Variants in FRAS1 observed in about 807,000 individuals in gnomAD.
The protein encoded by FRAS1 is extracellular matrix organizing protein FRAS1.
In FRAS1, 290 loss-of-function variants were observed where a neutral mutation model predicts 435.2. The observed-to-expected ratio is 0.67, with a 90% CI of 0.61 to 0.73. The LOEUF is 0.73. FRAS1 is among the 30% of genes least tolerant of loss of function. The pLI, the probability that FRAS1 is intolerant of heterozygous loss-of-function variation, is 0.00. For missense variants in FRAS1, 4,860 were observed against 5,001.5 expected (o/e 0.97, Z 0.85); for synonymous variants, 1,800 against 1,851.0 (o/e 0.97, Z 0.71).
At chr4:78,527,919 C>T (rs943510138) in intron 70 of FRAS1, among the ~76,000 whole-genome samples, 1 of 151,956 alleles carries the variant, frequency 6.6e-6, no homozygotes, top group Non-Finnish European at 1.5e-5. Flanking sequence ...GATATTTGAG[C>T]GGGGCAAGGG....
chr4:78,482,340 T>TTAA, intron 57 of FRAS1, 48 bp from the exon 58 acceptor site: 1 of 1,609,880 alleles, frequency 6.2e-7, no homozygotes, highest in Non-Finnish European at 8.5e-7. Context: ...GGTAAATGGG[T>TTAA]GTTAGATGGT....
chr4:78,070,347 G>A (rs1412090422), intron 2 of FRAS1: 1 of 151,998 alleles, frequency 6.6e-6, no homozygotes, highest in Non-Finnish European at 1.5e-5. Flanking sequence ...GTGACATCCT[G>A]GGTGATTAAG....
Position 78,453,221 on chromosome 4 carries a change from G to A in FRAS1, c.6763+867G>A, listed in dbSNP as rs1352955474. Among the ~76,000 whole-genome samples, 4 of 152,178 alleles carry A rather than the reference G, an allele frequency of 2.6e-5. No individual in the cohort carries two copies. In the East Asian group the frequency reaches 7.7e-4, roughly 29 times the overall value. On this transcript the variant is annotated intron_variant, in intron 47 of 73. Transcript: ENST00000512123. ...CAAGGAAGAAAAGTGAAACTCATCAGGTAGTGTCTAACAGGATGAACTGAA... is the reference window on the plus strand; with the variant it reads ...CAAGGAAGAAAAGTGAAACTCATCAAGTAGTGTCTAACAGGATGAACTGAA...
At chr4:78,163,185 C>T (rs181076758) in intron 2 of FRAS1, among the ~76,000 whole-genome samples, 3 of 152,286 alleles carry the variant, frequency 2.0e-5, no homozygotes, top group East Asian at 3.9e-4. Flanking sequence ...GGAACATTGC[C>T]AAACTCTTAT....
intron 15 of FRAS1, among the ~76,000 whole-genome samples, chr4:78,314,345 C>T (rs1729151427): frequency 1.3e-5 from 2 of 152,158 alleles, no homozygotes; most frequent in South Asian, 4.1e-4. Context: ...CTGTGAGCGA[C>T]ATCACTTGTC....
intron 2 of FRAS1, among the ~76,000 whole-genome samples, chr4:78,211,793 G>A (rs1723516837): frequency 6.6e-6 from 1 of 152,138 alleles, no homozygotes; most frequent in African/African-American, 2.4e-5. Flanking sequence ...ACCATTATAT[G>A]TTTCTCAATT....
In FRAS1 at chr4:78,113,215, T is replaced by G. The variant is rs147834850; in HGVS notation, c.108+47199T>G. 6.0e-3 allele frequency among the ~76,000 whole-genome samples: 907 copies of G among 152,340 alleles called. 11 individuals are homozygous for G. The highest frequency in any genetic ancestry group is 0.021 in the African/African-American group (872 of 41,572). ...GTATATATATTCCACATTTTCTTAA[T>G]CCAGTCTATCATTGTTGGACATTTG... On this transcript the variant is annotated intron_variant, in intron 2 of 73. Coordinates refer to ENST00000512123, the MANE Select transcript of FRAS1 (RefSeq NM_025074.7).
intron 2 of FRAS1, among the ~76,000 whole-genome samples, chr4:78,132,381 A>C (rs1440066829): frequency 6.6e-6 from 1 of 152,248 alleles, no homozygotes; most frequent in Non-Finnish European, 1.5e-5. Context: ...CCAAAAAACT[A>C]TCTCTAGCAA....
intron 10 of FRAS1, among the ~76,000 whole-genome samples, chr4:78,279,292 C>T (rs1727209099): frequency 6.6e-6 from 1 of 152,178 alleles, no homozygotes; most frequent in Admixed American, 6.5e-5. Context: ...AAGGCATTGG[C>T]CATGAGGTCT....
chr4:78,519,906 C>T (rs1269438440), intron 67 of FRAS1, among the ~76,000 whole-genome samples: 2 of 152,148 alleles, frequency 1.3e-5, no homozygotes, highest in African/African-American at 4.8e-5. Context: ...ATATTTATGT[C>T]AAGTAGCCCA....
chr4:78,076,155 GGT>G (rs2109867372), intron 2 of FRAS1, among the ~76,000 whole-genome samples: 1 of 152,176 alleles, frequency 6.6e-6, no homozygotes, highest in African/African-American at 2.4e-5. Context: ...CTTTGGAGGG[GGT>G]GTGGGTGGCT....
intron 15 of FRAS1, among the ~76,000 whole-genome samples, chr4:78,311,085 G>A (rs1363014905): frequency 7.0e-6 from 1 of 143,208 alleles, no homozygotes; most frequent in Non-Finnish European, 1.6e-5. Flanking sequence ...CCATTATGAA[G>A]GGCTTTTCGG....
chr4:78,143,814 G>A (rs1354407334), intron 2 of FRAS1, among the ~76,000 whole-genome samples: 1 of 150,872 alleles, frequency 6.6e-6, no homozygotes, highest in African/African-American at 2.4e-5. Context: ...TGAGGTGGGA[G>A]GATTGCTTGA....
At chr4:78,261,891 T>C (rs75685300) in intron 6 of FRAS1, among the ~76,000 whole-genome samples, 1,526 of 152,288 alleles carry the variant, frequency 0.01, 23 homozygotes, top group African/African-American at 0.035. Flanking sequence ...GCTATGAACT[T>C]AGGATGAGTA....
rs1315195094 is a variant in FRAS1 at position 78,333,262 on chromosome 4, T to C, written c.2138-10T>C. The C allele has an allele frequency of 6.3e-7, 1 of 1,599,920 alleles. No homozygotes were observed. Among genetic ancestry groups the C allele is most frequent in the African/African-American group, 1.3e-5 (1 of 74,456 alleles). On this transcript the variant is annotated splice_polypyrimidine_tract_variant and intron_variant, in intron 18 of 73. Transcript: ENST00000512123. ...TCCTGATTGTCTCCTTTGCTTTATC[T>C]TTCCCCCAGCTTGCCACCAGTCCTG...
At chr4:78,164,606 A>G (rs1408185550) in intron 2 of FRAS1, among the ~76,000 whole-genome samples, 6 of 152,168 alleles carry the variant, frequency 3.9e-5, no homozygotes, top group Admixed American at 2.6e-4. Flanking sequence ...CAGCTTCCCT[A>G]TGGAAAGAAC....
rs1252322820 is a variant in FRAS1 at position 78,448,268 on chromosome 4, A to G, written c.6226A>G (p.Ser2076Gly). ...RMKIYTELPA[S>G]DTPHLAINQG... The stretch of plus-strand genomic sequence containing the variant: ...GAAGATCTACACAGAACTGCCTGCA[A>G]GTGACACACCTCACTTGGCTATAAA... The change falls in exon 44 of 74, where the codon AGT becomes GGT. Residue 2076 changes from serine (S) to glycine (G), a missense_variant. Ser to Gly is a moderately conservative substitution (Grantham distance 56). Transcript: ENST00000512123. 1.2e-6 allele frequency: 2 copies of G among 1,612,430 alleles called. No homozygotes were observed. The highest frequency in any genetic ancestry group is 1.3e-5 in the African/African-American group (1 of 74,892).
At chr4:78,483,767 A>ACT (rs148245140) in intron 58 of FRAS1, among the ~76,000 whole-genome samples, 28,252 of 110,284 alleles carry the variant, frequency 0.26, 4,988 homozygotes, top group African/African-American at 0.33. Flanking sequence ...GAAAAAAAAA[A>ACT]CTCTCTCTCT....
intron 2 of FRAS1, among the ~76,000 whole-genome samples, chr4:78,069,864 A>G (rs1432778696): frequency 6.6e-6 from 1 of 151,942 alleles, no homozygotes; most frequent in African/African-American, 2.4e-5. Flanking sequence ...AAAGTTACAT[A>G]GTAAGTCCTA....
Sources: allele counts gnomAD v4.1 joint callset (sites outside exome capture counted in the v4.1 genomes callset), GRCh38; gene constraint gnomAD v4.1.1; transcripts MANE v1.5; gene names NCBI Gene and HGNC (gene_info 2026-07-23, HGNC 2026-07-21).